Variants in TRHDE observed in about 807,000 individuals in gnomAD.
The protein encoded by TRHDE is thyrotropin-releasing hormone-degrading ectoenzyme.
Under a neutral mutation model 125.7 loss-of-function variants are expected in TRHDE, and 72 were observed. The ratio of observed to expected loss-of-function variants is 0.57; its 90% CI spans 0.47 to 0.70. The LOEUF (loss-of-function observed/expected upper bound fraction) is 0.70. TRHDE is among the 30% of genes least tolerant of loss of function. The pLI, the probability that TRHDE is intolerant of heterozygous loss-of-function variation, is 0.00. For synonymous variants in TRHDE, 509 were observed against 509.1 expected (o/e 1.00, Z 0.00); for missense variants, 1,110 against 1,327.1 (o/e 0.84, Z 2.54).
chr12:72,601,361 G>C (rs1009745593), intron 12 of TRHDE, among the ~76,000 whole-genome samples: 60 of 152,092 alleles, frequency 3.9e-4, no homozygotes, highest in African/African-American at 1.3e-3. Context: ...AAAGAAAGTG[G>C]CTTCTTGAAA....
chr12:72,401,677 C>T (rs1433833493), intron 3 of TRHDE, among the ~76,000 whole-genome samples: 1 of 152,124 alleles, frequency 6.6e-6, no homozygotes, highest in Non-Finnish European at 1.5e-5. Flanking sequence ...TTTATATCAT[C>T]TTATAATAAA....
At chr12:72,366,925 G>A (rs1372661775) in intron 2 of TRHDE, among the ~76,000 whole-genome samples, 2 of 152,108 alleles carry the variant, frequency 1.3e-5, no homozygotes, top group South Asian at 2.1e-4. Context: ...CTAAGTAATC[G>A]TTCTCAAAAT....
In TRHDE at chr12:72,126,118, C is replaced by T. The variant is rs552404362; in HGVS notation, n.279+20366C>T. 1.9e-3 allele frequency among the ~76,000 whole-genome samples: 295 copies of T among 152,172 alleles called. 1 individual carries two copies. The highest frequency in any genetic ancestry group is 2.8e-3 in the Non-Finnish European group (189 of 67,998). ...GAATCATCAAAAATAATTGCATAGCCGCACACACAAAAATACCTGGGAATA... is the reference window on the plus strand; with the variant it reads ...GAATCATCAAAAATAATTGCATAGCTGCACACACAAAAATACCTGGGAATA... On this transcript the variant is annotated intron_variant and non_coding_transcript_variant, in intron 2 of 4. Coordinates refer to the TRHDE transcript ENST00000548156.
At chr12:72,409,618 A>G (rs1220680966) in intron 3 of TRHDE, among the ~76,000 whole-genome samples, 3 of 152,186 alleles carry the variant, frequency 2.0e-5, no homozygotes, top group Admixed American at 6.5e-5. Flanking sequence ...TTGATCCTCT[A>G]TGGATGTAAA....
chr12:72,599,914 T>G (rs2099295), intron 12 of TRHDE, among the ~76,000 whole-genome samples: 24,857 of 152,050 alleles, frequency 0.16, 2,699 homozygotes, highest in Non-Finnish European at 0.23. Context: ...GACTTAATTT[T>G]TTTGTATAGT....
At chr12:72,304,063 CAT>C (rs1173001863) in intron 2 of TRHDE, among the ~76,000 whole-genome samples, 1 of 152,124 alleles carries the variant, frequency 6.6e-6, no homozygotes, top group Non-Finnish European at 1.5e-5. Flanking sequence ...ATCATTGTCA[CAT>C]AGCTCGTGGA....
intron 2 of TRHDE, among the ~76,000 whole-genome samples, chr12:72,120,342 C>T (rs907670547): frequency 6.6e-6 from 1 of 152,016 alleles, no homozygotes; most frequent in African/African-American, 2.4e-5. Context: ...AACCACCATG[C>T]CTGGCTTACT....
chr12:72,450,260 T>A (rs1875506439), intron 3 of TRHDE, among the ~76,000 whole-genome samples: 1 of 152,098 alleles, frequency 6.6e-6, no homozygotes, highest in Admixed American at 6.6e-5. Flanking sequence ...TCTGCTTCTA[T>A]TCTCCTCCCA....
intron 6 of TRHDE, among the ~76,000 whole-genome samples, chr12:72,517,295 G>A (rs1341864853): frequency 3.3e-5 from 5 of 151,296 alleles, no homozygotes; most frequent in East Asian, 2.0e-4. Context: ...TGGTTGGTAA[G>A]CTATTGATTA....
At chr12:72,582,423 AT>A (rs1871277673) in intron 12 of TRHDE, 1 of 985,288 alleles carries the variant, frequency 1.0e-6, no homozygotes, top group South Asian at 4.7e-5. Flanking sequence ...TGTGGAAGTA[AT>A]TTGCTCCTTT....
chr12:72,469,358 T>C (rs2135896806), intron 3 of TRHDE, among the ~76,000 whole-genome samples: 1 of 152,320 alleles, frequency 6.6e-6, no homozygotes, highest in East Asian at 1.9e-4. Flanking sequence ...TTATACAATA[T>C]TGGGGTAAAT....
intron 2 of TRHDE, among the ~76,000 whole-genome samples, chr12:72,193,342 A>G (rs919279443): frequency 6.6e-6 from 1 of 151,920 alleles, no homozygotes; most frequent in African/African-American, 2.4e-5. Flanking sequence ...AACCCCTAAC[A>G]CTGTATTTAT....
At chr12:72,491,338 A>C (rs1877674259) in intron 5 of TRHDE, among the ~76,000 whole-genome samples, 1 of 151,882 alleles carries the variant, frequency 6.6e-6, no homozygotes, top group Non-Finnish European at 1.5e-5. Context: ...ACATTATTTG[A>C]AGCACATTCA....
chr12:72,223,076 C>A (rs1400466600), intron 2 of TRHDE, among the ~76,000 whole-genome samples: 1 of 151,990 alleles, frequency 6.6e-6, no homozygotes, highest in African/African-American at 2.4e-5. Flanking sequence ...AACTTTTCAC[C>A]AAGTCAGCAT....
At chr12:72,460,116 A>C (rs1213291584) in intron 3 of TRHDE, among the ~76,000 whole-genome samples, 1 of 152,216 alleles carries the variant, frequency 6.6e-6, no homozygotes, top group South Asian at 2.1e-4. Context: ...TTTGCTATAC[A>C]AAACCGTCCT....
At chr12:72,200,664 G>A (rs1240743609) in intron 2 of TRHDE, among the ~76,000 whole-genome samples, 1 of 152,096 alleles carries the variant, frequency 6.6e-6, no homozygotes, top group African/African-American at 2.4e-5. Context: ...TAGGGTTCAG[G>A]TTTTATTGTT....
chr12:72,341,867 T>A (rs928959230), intron 2 of TRHDE, among the ~76,000 whole-genome samples: 1 of 152,130 alleles, frequency 6.6e-6, no homozygotes, highest in Admixed American at 6.6e-5. Flanking sequence ...TAAAAGTAAC[T>A]TCTTCAAAAT....
intron 5 of TRHDE, among the ~76,000 whole-genome samples, chr12:72,494,657 C>T (rs1332678412): frequency 1.3e-5 from 2 of 151,998 alleles, no homozygotes; most frequent in Non-Finnish European, 2.9e-5. Context: ...TCTTTTAACT[C>T]CTCAGACTTT....
chr12:72,203,668 T>C (rs1472088189), intron 2 of TRHDE, among the ~76,000 whole-genome samples: 1 of 152,196 alleles, frequency 6.6e-6, no homozygotes, highest in Non-Finnish European at 1.5e-5. Context: ...GTGATATTTC[T>C]AATAAACTTT....
Sources: gnomAD v4.1 joint callset for allele counts (sites outside exome capture counted in the v4.1 genomes callset) on GRCh38, gnomAD v4.1.1 for gene constraint, MANE v1.5 for transcripts, NCBI Gene and HGNC (gene_info 2026-07-23, HGNC 2026-07-21) for gene names.